PPARGC1A: variants seen among roughly 807,000 people sequenced by gnomAD.
The protein encoded by PPARGC1A is PPARG coactivator 1 alpha, also known as peroxisome proliferator-activated receptor gamma coactivator 1-alpha.
PPARGC1A carries 25 observed loss-of-function variants against 88.7 expected under a neutral mutation model. The ratio of observed to expected loss-of-function variants is 0.28; its 90% CI spans 0.21 to 0.39. PPARGC1A has a LOEUF of 0.39. Among genes scored for constraint, PPARGC1A ranks in the 10% least tolerant of loss-of-function variants. The probability of loss-of-function intolerance (pLI) is 1.00; values close to 1 mark genes in which losing one functional copy is unlikely to be tolerated. For missense variants in PPARGC1A, 880 were observed against 968.7 expected (o/e 0.91, Z 1.22); for synonymous variants, 363 against 355.6 (o/e 1.02, Z -0.24).
chr4:24,403,507 C>A, the PPARGC1A span, among the ~76,000 whole-genome samples: 8 of 152,190 alleles, frequency 5.3e-5, no homozygotes, highest in African/African-American at 7.2e-5. Flanking sequence ...GCAAAGGCCA[C>A]CCAGCACAGC....
At chr4:24,369,864 C>T in the PPARGC1A span, among the ~76,000 whole-genome samples, 1,923 of 152,358 alleles carry the variant, frequency 0.013, 28 homozygotes, top group Middle Eastern at 0.024. Context: ...GTCACGATCA[C>T]ATCCTATGGC....
At chr4:23,831,508 TAGCCAG>T in intron 3 of PPARGC1A, 43 bp downstream of exon 3, 1 of 1,524,330 alleles carries the variant, frequency 6.6e-7, no homozygotes, top group Middle Eastern at 2.1e-4. Context: ...ATGCAGCGGG[TAGCCAG>T]AGGCAACTCC....
chr4:24,403,268 A>T, the PPARGC1A span, among the ~76,000 whole-genome samples: 1 of 152,214 alleles, frequency 6.6e-6, no homozygotes, highest in Non-Finnish European at 1.5e-5. Flanking sequence ...TAATCACTGT[A>T]CTTGGAAAGG....
chr4:24,100,080 C>T, the PPARGC1A span, among the ~76,000 whole-genome samples: 2 of 151,910 alleles, frequency 1.3e-5, no homozygotes, highest in East Asian at 1.9e-4. Context: ...ATGTAACAAA[C>T]CTGCATGTTG....
intron 2 of PPARGC1A, among the ~76,000 whole-genome samples, chr4:23,873,837 A>C: frequency 6.6e-6 from 1 of 152,286 alleles, no homozygotes; most frequent in East Asian, 1.9e-4. Flanking sequence ...AAAGCTACTC[A>C]CACATACACA....
chr4:24,424,307 G>A, the PPARGC1A span, among the ~76,000 whole-genome samples: 3 of 107,942 alleles, frequency 2.8e-5, no homozygotes, highest in Non-Finnish European at 5.0e-5. Flanking sequence ...ACAGAGTCTC[G>A]CTCTGTCGCC....
chr4:23,943,344 CT>C, the PPARGC1A span, among the ~76,000 whole-genome samples: 1 of 149,002 alleles, frequency 6.7e-6, no homozygotes, highest in Non-Finnish European at 1.5e-5. Flanking sequence ...TAGGTTTTGC[CT>C]TTGTAGAAAG....
At chr4:24,370,111 T>C in the PPARGC1A span, among the ~76,000 whole-genome samples, 149,464 of 152,336 alleles carry the variant, frequency 0.98, 73,387 homozygotes, top group East Asian at 1. Flanking sequence ...CAGCGTCTAG[T>C]TAAAGATGTT....
At chr4:24,318,538 T>C in the PPARGC1A span, among the ~76,000 whole-genome samples, 1 of 152,250 alleles carries the variant, frequency 6.6e-6, no homozygotes, top group South Asian at 2.1e-4. Context: ...CAAAGAAAGC[T>C]ATAAGCATTC....
the PPARGC1A span, among the ~76,000 whole-genome samples, chr4:24,235,211 A>G: frequency 2.6e-5 from 4 of 152,322 alleles, no homozygotes; most frequent in African/African-American, 9.6e-5. Context: ...AGAAACTGAC[A>G]TTTATAAGAA....
the PPARGC1A span, among the ~76,000 whole-genome samples, chr4:24,348,614 G>A: frequency 7.2e-3 from 1,095 of 152,128 alleles, 14 homozygotes; most frequent in African/African-American, 0.024. Flanking sequence ...ACTTTCCAGA[G>A]CATTTTGCAT....
At chr4:24,012,060 CG>C in the PPARGC1A span, among the ~76,000 whole-genome samples, 4 of 152,208 alleles carry the variant, frequency 2.6e-5, no homozygotes, top group African/African-American at 9.6e-5. Flanking sequence ...TGTATACTCC[CG>C]GCCTCCTCAT....
At chr4:24,328,047 CTG>C in the PPARGC1A span, among the ~76,000 whole-genome samples, 7 of 152,126 alleles carry the variant, frequency 4.6e-5, no homozygotes, top group East Asian at 1.3e-3. Flanking sequence ...CCCCCTTTGA[CTG>C]TAATTTTCCA....
At chr4:23,999,105 G>A in the PPARGC1A span, among the ~76,000 whole-genome samples, 1 of 152,200 alleles carries the variant, frequency 6.6e-6, no homozygotes, top group Non-Finnish European at 1.5e-5. Flanking sequence ...AAAGAAAACA[G>A]CATATGTAGT....
the PPARGC1A span, among the ~76,000 whole-genome samples, chr4:23,977,749 A>G: frequency 3.3e-5 from 5 of 152,232 alleles, no homozygotes; most frequent in African/African-American, 1.2e-4. Context: ...AATATGACAA[A>G]TTAAAACATG....
At chr4:24,002,129 T>C in the PPARGC1A span, among the ~76,000 whole-genome samples, 1 of 123,650 alleles carries the variant, frequency 8.1e-6, no homozygotes, top group Non-Finnish European at 1.7e-5. Context: ...GAGAGAGAAC[T>C]TGAAGACAAA....
the PPARGC1A span, among the ~76,000 whole-genome samples, chr4:24,304,735 A>G: frequency 7.9e-5 from 12 of 152,176 alleles, no homozygotes; most frequent in African/African-American, 2.9e-4. Context: ...AAAGTATACC[A>G]AAACAACAGG....
chr4:24,104,234 C>T, the PPARGC1A span, among the ~76,000 whole-genome samples: 25,759 of 152,110 alleles, frequency 0.17, 2,803 homozygotes, highest in East Asian at 0.37. Flanking sequence ...AGGCCAGGCC[C>T]GGGTGGCTAT....
At chr4:23,871,010 T>A (rs189887054) in intron 2 of PPARGC1A, among the ~76,000 whole-genome samples, 41 of 151,290 alleles carry the variant, frequency 2.7e-4, no homozygotes, top group South Asian at 1.0e-3. Flanking sequence ...GAGGGTATCA[T>A]CCCTTATGCT....
Sources: allele counts gnomAD v4.1 joint callset (sites outside exome capture counted in the v4.1 genomes callset), GRCh38; gene constraint gnomAD v4.1.1; transcripts MANE v1.5; gene names NCBI Gene and HGNC (gene_info 2026-07-23, HGNC 2026-07-21).